The following UPP2 variants were observed in gnomAD, a reference collection of about 807,000 sequenced individuals.
The protein encoded by UPP2 is uridine phosphorylase 2.
UPP2 carries 23 observed loss-of-function variants against 26.7 expected under a neutral mutation model. The ratio of observed to expected loss-of-function variants is 0.86; its 90% confidence interval spans 0.62 to 1.22. The LOEUF (loss-of-function observed/expected upper bound fraction) is 1.22. Ranked by LOEUF, UPP2 falls within the 50% of genes most tolerant of loss-of-function variation. The probability of loss-of-function intolerance (pLI) is 0.00; values close to 1 mark genes in which losing one functional copy is unlikely to be tolerated. For missense variants in UPP2, 387 were observed against 396.7 expected (o/e 0.98, Z 0.21); for synonymous variants, 127 against 141.3 (o/e 0.90, Z 0.72).
At chr2:158,123,029 T>C (rs573442754) in intron 5 of UPP2, among the ~76,000 whole-genome samples, 1 of 152,312 alleles carries the variant, frequency 6.6e-6, no homozygotes, top group East Asian at 1.9e-4. Context: ...CAGAGTGCTA[T>C]TAGCCCACTT....
intron 3 of UPP2, among the ~76,000 whole-genome samples, chr2:158,046,992 C>T (rs1385851407): frequency 6.6e-6 from 1 of 152,150 alleles, no homozygotes; most frequent in African/African-American, 2.4e-5. Flanking sequence ...CGACACCATG[C>T]TTGAAGATTC....
chr2:158,002,623 A>C (rs1489685701), intron 2 of UPP2, among the ~76,000 whole-genome samples: 1 of 152,234 alleles, frequency 6.6e-6, no homozygotes, highest in Non-Finnish European at 1.5e-5. Context: ...AGGATTTGGG[A>C]TATGTTACCA....
chr2:158,088,022 T>C (rs1023825115), intron 3 of UPP2, among the ~76,000 whole-genome samples: 4 of 152,180 alleles, frequency 2.6e-5, no homozygotes, highest in Admixed American at 2.6e-4. Context: ...GTTTTTGGAG[T>C]CTAGATCGCT....
intron 2 of UPP2, among the ~76,000 whole-genome samples, chr2:158,005,803 G>T (rs1195950748): frequency 6.6e-6 from 1 of 152,142 alleles, no homozygotes; most frequent in Admixed American, 6.5e-5. Flanking sequence ...ACAAACTTCA[G>T]GGTCCTGGCC....
At chr2:157,997,083 C>T (rs1486605307) in intron 2 of UPP2, among the ~76,000 whole-genome samples, 1 of 152,160 alleles carries the variant, frequency 6.6e-6, no homozygotes, top group Admixed American at 6.5e-5. Flanking sequence ...ATTGTTTTCT[C>T]AAACGTTTCT....
At chr2:158,015,698 G>T (rs1294810031) in intron 2 of UPP2, 1 of 424,602 alleles carries the variant, frequency 2.4e-6, no homozygotes, top group African/African-American at 2.0e-5. Flanking sequence ...CTTCCCCCTT[G>T]CTGTTCTTGT....
intron 3 of UPP2, among the ~76,000 whole-genome samples, chr2:158,091,570 A>C (rs1682912798): frequency 1.3e-5 from 2 of 152,206 alleles, no homozygotes; most frequent in Non-Finnish European, 2.9e-5. Context: ...CAATAATGCT[A>C]TTGCCATAGG....
At chr2:158,014,237 G>C (rs771112216) in intron 2 of UPP2, among the ~76,000 whole-genome samples, 20 of 152,176 alleles carry the variant, frequency 1.3e-4, no homozygotes, top group Non-Finnish European at 2.9e-5. Context: ...GATGGGGCAG[G>C]GTTAGCAACT....
chr2:158,015,705 T>C, intron 2 of UPP2: 1 of 433,236 alleles, frequency 2.3e-6, no homozygotes, highest in African/African-American at 2.0e-5. Flanking sequence ...CTTGCTGTTC[T>C]TGTGATAGTG....
In UPP2 at chr2:158,104,917, AAAGGGAAGGGAAGGGAAGGG is replaced by A. The variant is rs1216201245; in HGVS notation, c.63-1138_63-1119del. Reference sequence around the variant, plus strand: ...GCCTGGGTGACAGAGCGAAACTCTGAAAGGGAAGGGAAGGGAAGGGAAGGGAAGGGAAGGGAAGGGAAGGG... The same window carrying A: ...GCCTGGGTGACAGAGCGAAACTCTGAAAGGGAAGGGAAGGGAAGGGAAGGG... On this transcript the variant is annotated intron_variant, in intron 1 of 6. Transcript: ENST00000005756. Among the ~76,000 whole-genome samples, 62 of 79,110 alleles carry A rather than the reference AAAGGGAAGGGAAGGGAAGGG, an allele frequency of 7.8e-4. 1 individual carries two copies. The highest frequency in any genetic ancestry group is 2.9e-3 in the African/African-American group (52 of 17,990). 51.9% of individuals were successfully genotyped at this position (79,110 alleles called of 152,430 possible).
At chr2:158,123,262 G>C (rs11692274) in intron 5 of UPP2, among the ~76,000 whole-genome samples, 44,943 of 152,124 alleles carry the variant, frequency 0.3, 8,376 homozygotes, top group Middle Eastern at 0.42. Flanking sequence ...GTGCGGAAAG[G>C]GGGAAGGTGG....
chr2:158,026,032 C>T (rs1401927993), intron 3 of UPP2, among the ~76,000 whole-genome samples: 2 of 152,134 alleles, frequency 1.3e-5, no homozygotes, highest in African/African-American at 4.8e-5. Context: ...TGAAGTACAG[C>T]AGCCTCCATA....
intron 3 of UPP2, among the ~76,000 whole-genome samples, chr2:158,072,974 C>G (rs757369666): frequency 6.6e-6 from 1 of 152,004 alleles, no homozygotes. Context: ...TTGACTTCAC[C>G]AAACTAAATA....
At chr2:158,003,277 T>C (rs932787048) in intron 2 of UPP2, among the ~76,000 whole-genome samples, 1 of 152,036 alleles carries the variant, frequency 6.6e-6, no homozygotes, top group South Asian at 2.1e-4. Context: ...TGCAGAGTGC[T>C]GGAGACCAGT....
At position 158,075,820 on chromosome 2, in the gene UPP2, G is replaced by A. The variant is rs976788760; in HGVS notation, c.148-26220G>A. Among the ~76,000 whole-genome samples, 3 of 149,894 alleles carry A rather than the reference G, an allele frequency of 2.0e-5. No homozygotes were observed. In the East Asian group the frequency reaches 5.8e-4, roughly 29 times the overall value. On this transcript the variant is annotated intron_variant, in intron 3 of 9. Coordinates refer to the UPP2 transcript ENST00000605860. ...CAAACTAAACCCAAAATTATTAGAAGAAAAGAAATAATAAAGATCAGAGCA... is the reference window on the plus strand; with the variant it reads ...CAAACTAAACCCAAAATTATTAGAAAAAAAGAAATAATAAAGATCAGAGCA...
chr2:158,000,767 A>G (rs1465005970), intron 2 of UPP2, among the ~76,000 whole-genome samples: 2 of 152,254 alleles, frequency 1.3e-5, no homozygotes, highest in South Asian at 4.1e-4. Flanking sequence ...AGCACTAGTT[A>G]AAACCTGTGA....
rs1237012938 is a variant in UPP2, at chr2:158,065,842, C to CT, written c.148-36197dup. 18 of 673,844 alleles carry CT rather than the reference C, an allele frequency of 2.7e-5. No homozygotes were observed. The Admixed American group carries it at 3.8e-4, about 14-fold the overall frequency. 41.7% of individuals were successfully genotyped at this position (673,844 alleles called of 1,614,324 possible). ...TTTCATAAAGAACCTCATTGTTGTA[C>CT]TGCTGTTCATTGCATTGCAGGCCTT... On this transcript the variant is annotated intron_variant, in intron 3 of 9. Coordinates refer to the UPP2 transcript ENST00000605860.
At chr2:158,106,993 C>A (rs554211411) in intron 2 of UPP2, among the ~76,000 whole-genome samples, 1 of 152,164 alleles carries the variant, frequency 6.6e-6, no homozygotes, top group Non-Finnish European at 1.5e-5. Context: ...TTATTACATT[C>A]TTTTGAAACA....
intron 2 of UPP2, among the ~76,000 whole-genome samples, chr2:158,000,261 C>A (rs1433722173): frequency 6.6e-6 from 1 of 152,046 alleles, no homozygotes; most frequent in African/African-American, 2.4e-5. Flanking sequence ...CTTTTTCCTG[C>A]TTTTGGTAGT....
Sources: gnomAD v4.1 joint callset for allele counts (sites outside exome capture counted in the v4.1 genomes callset) on GRCh38, gnomAD v4.1.1 for gene constraint, MANE v1.5 for transcripts, NCBI Gene and HGNC (gene_info 2026-07-23, HGNC 2026-07-21) for gene names.